EEF1A2: variants seen among roughly 807,000 people sequenced by gnomAD.
The protein encoded by EEF1A2 is elongation factor 1-alpha 2.
In EEF1A2, 5 loss-of-function variants were observed where a neutral mutation model predicts 39.3. The ratio of observed to expected loss-of-function variants is 0.13; its 90% CI spans 0.07 to 0.27. EEF1A2 has a LOEUF of 0.27. Ranked by LOEUF, EEF1A2 falls within the 10% of genes least tolerant of loss-of-function variation. The pLI is 1.00. For missense variants in EEF1A2, 218 were observed against 681.4 expected, an observed-to-expected ratio of 0.32 and a Z score of 7.57; for synonymous variants, 287 against 293.7, an observed-to-expected ratio of 0.98 and a Z score of 0.23.
chr20:63,497,624 G>A lies in EEF1A2; in HGVS notation c.140C>T (p.Ala47Val). Residue 47 changes from alanine (A) to valine (V), a missense_variant, in exon 2 of 8, where the codon GCT becomes GTT. Ala to Val is a moderately conservative substitution (Grantham distance 64). This residue lies in a region of EEF1A2 where 28 missense variants were observed against 156.2 expected (regional missense o/e 0.18). Coordinates refer to ENST00000217182, the MANE Select transcript of EEF1A2 (RefSeq NM_001958.5). The surrounding 1 kb of genome is among the most constrained non-coding windows in gnomAD (Gnocchi z 7.3). ...RTIEKFEKEA[A>V]EMGKGSFKYA... ...ACCATAGCCTGGGGAGCTCACCTCA[G>A]CCGCCTCCTTCTCGAACTTCTCAAT... 1 of 1,612,184 alleles carries A rather than the reference G, an allele frequency of 6.2e-7. No homozygotes were observed. Among genetic ancestry groups the A allele is most frequent in the Non-Finnish European group, 8.5e-7 (1 of 1,179,326 alleles).
At chr20:63,496,172 T>C in intron 2 of EEF1A2, 137 bp from the exon 3 acceptor site, 1 of 1,067,460 alleles carries the variant, frequency 9.4e-7, no homozygotes, top group South Asian at 1.6e-5. Flanking sequence ...TCCGTCGGGG[T>C]CCTGGGACGC....
At chr20:63,489,789 AAAAT>A (rs938312800) in intron 6 of EEF1A2, among the ~76,000 whole-genome samples, 2 of 151,648 alleles carry the variant, frequency 1.3e-5, no homozygotes, top group Non-Finnish European at 2.9e-5. Context: ...TCTCAAAAAA[AAAAT>A]AAATAAATCA....
intron 2 of EEF1A2, chr20:63,496,984 G>A: frequency 6.6e-6 from 1 of 152,476 alleles, no homozygotes; most frequent in African/African-American, 2.4e-5. Context: ...CCTCCCAGGA[G>A]TGGGCTTCTC....
chr20:63,492,025 A>AGATG (rs2082384901), intron 5 of EEF1A2, among the ~76,000 whole-genome samples: 1 of 70,528 alleles, frequency 1.4e-5, no homozygotes, highest in Non-Finnish European at 2.6e-5. Flanking sequence ...CGGATGGATG[A>AGATG]GATGGATGGA....
At chr20:63,491,070 C>T (rs2082376522) in intron 5 of EEF1A2, among the ~76,000 whole-genome samples, 1 of 152,182 alleles carries the variant, frequency 6.6e-6, no homozygotes, top group South Asian at 2.1e-4. Flanking sequence ...CATCCTTGCC[C>T]CCGGAGAGCA....
At chr20:63,494,204 C>G (rs562367489) in intron 4 of EEF1A2, among the ~76,000 whole-genome samples, 54 of 152,342 alleles carry the variant, frequency 3.5e-4, no homozygotes, top group African/African-American at 1.2e-3. Flanking sequence ...CTTGGAGAAC[C>G]CTGGGAACAG....
chr20:63,499,021 G>A (rs1023695221), intron 1 of EEF1A2, 37 bp downstream of exon 1: 2 of 149,922 alleles, frequency 1.3e-5, no homozygotes, highest in African/African-American at 4.9e-5. Flanking sequence ...CGGAAGACGG[G>A]GGCGGGGGCG....
Position 63,497,478 on chromosome 20 carries a change from G to C in EEF1A2, c.144+142C>G, listed in dbSNP as rs924202083. 4.5e-6 allele frequency: 6 copies of C among 1,342,324 alleles called. No individual in the cohort carries two copies. In the Admixed American group the frequency reaches 1.3e-4, roughly 28 times the overall value. 83.2% of individuals were successfully genotyped at this position (1,342,324 alleles called of 1,614,324 possible). ...CCCCACCAGACCCTCTGAGGCCTGA[G>C]TGCCCCACAGCGGGGGTCCCTCCTG... On this transcript the variant is annotated intron_variant, in intron 2 of 7. Coordinates refer to ENST00000217182, the MANE Select transcript of EEF1A2 (RefSeq NM_001958.5). This position sits in a 1 kb window ranked among gnomAD's most constrained non-coding sequence, Gnocchi z 7.3.
intron 2 of EEF1A2, 147 bp from the exon 3 acceptor site, chr20:63,496,182 C>T: frequency 1.0e-6 from 1 of 965,106 alleles, no homozygotes; most frequent in African/African-American, 1.6e-5. Context: ...TCCTGGGACG[C>T]CGGCCCCCTC....
rs534684524 is a variant in EEF1A2 at position 63,492,900 on chromosome 20, GGATA to G, written c.772+233_772+236del. Among the ~76,000 whole-genome samples the G allele has an allele frequency of 3.4e-3, 508 of 149,780 alleles. 6 individuals carry two copies. In the South Asian group the frequency reaches 0.035, roughly 10 times the overall value. On this transcript the variant is annotated intron_variant, in intron 5 of 7. Coordinates refer to ENST00000217182, the MANE Select transcript of EEF1A2 (RefSeq NM_001958.5). ...TGGATGGATCGATGGATGGATGGATGGATAGATAGATGGATGGAGAGGTGGATAG... is the reference window on the plus strand; with the variant it reads ...TGGATGGATCGATGGATGGATGGATGGATAGATGGATGGAGAGGTGGATAG...
At position 63,497,810 on chromosome 20, in the gene EEF1A2, C is replaced by T. The variant is rs747028147; in HGVS notation, c.-47G>A. The T allele has an allele frequency of 1.9e-6, 3 of 1,591,976 alleles. No homozygotes were observed. In the Admixed American group the frequency reaches 5.1e-5, roughly 27 times the overall value. On this transcript the variant is annotated 5_prime_UTR_variant, in exon 2 of 8. Transcript: ENST00000217182. This position sits in a 1 kb window ranked among gnomAD's most constrained non-coding sequence, Gnocchi z 7.3. ...TGGCGGGACCCGGGGTGCTCTGGCTCAGGGCGAGGGGGGCTGCAGTGATTC... is the reference window on the plus strand; with the variant it reads ...TGGCGGGACCCGGGGTGCTCTGGCTTAGGGCGAGGGGGGCTGCAGTGATTC...
intron 5 of EEF1A2, among the ~76,000 whole-genome samples, chr20:63,491,908 G>GGAT (rs1180580942): frequency 7.0e-6 from 1 of 142,874 alleles, no homozygotes; most frequent in Non-Finnish European, 1.5e-5. Context: ...ATGGATGGAT[G>GGAT]GATGGGGGGA....
intron 5 of EEF1A2, among the ~76,000 whole-genome samples, chr20:63,492,353 A>AACAG (rs2082388814): frequency 1.0e-5 from 1 of 98,912 alleles, no homozygotes; most frequent in African/African-American, 3.7e-5. Context: ...TGGGTGGGTC[A>AACAG]ATAGATGGAT....
At chr20:63,488,791 C>G in intron 7 of EEF1A2, 127 bp downstream of exon 7, 2 of 1,073,572 alleles carry the variant, frequency 1.9e-6, no homozygotes, top group South Asian at 3.1e-5. Context: ...CTGCCATGCT[C>G]TGGGCCAAGC....
intron 4 of EEF1A2, 71 bp from the exon 5 acceptor site, chr20:63,493,358 G>A (rs774765304): frequency 1.4e-6 from 2 of 1,444,252 alleles, no homozygotes. Flanking sequence ...CCTCCCCAGG[G>A]TGCTTCCAGG....
chr20:63,493,948 G>A (rs1750017132), intron 4 of EEF1A2, among the ~76,000 whole-genome samples: 1 of 152,354 alleles, frequency 6.6e-6, no homozygotes, highest in Middle Eastern at 3.4e-3. Flanking sequence ...CCTGGGGAGG[G>A]GAGAGTGGCG....
At chr20:63,488,554 C>G (rs2082363687) in intron 7 of EEF1A2, 129 bp from the exon 8 acceptor site, 1 of 1,257,100 alleles carries the variant, frequency 8.0e-7, no homozygotes, top group African/African-American at 1.6e-5. Flanking sequence ...CAGAGCGCGC[C>G]CCTGTGAAGA....
Position 63,498,595 on chromosome 20 carries a change from C to T in EEF1A2, c.-72+463G>A, listed in dbSNP as rs1286264332. 1 of 152,206 alleles carries T rather than the reference C, an allele frequency of 6.6e-6. No individual in the cohort carries two copies. Among genetic ancestry groups the T allele is most frequent in the Non-Finnish European group, 1.5e-5 (1 of 68,088 alleles). 9.4% of individuals were successfully genotyped at this position (152,206 alleles called of 1,614,324 possible). A position where few individuals can be genotyped will look rare whatever the true frequency, so the allele number is the denominator to read the frequency against. On this transcript the variant is annotated intron_variant, in intron 1 of 7. Coordinates refer to ENST00000217182, the MANE Select transcript of EEF1A2 (RefSeq NM_001958.5). This position sits in a 1 kb window ranked among gnomAD's most constrained non-coding sequence, Gnocchi z 4.1. ...CCCCCCCTCCCTGTGACTCAGGACC[C>T]TGGGTCACAGCCCTGTCCCATCACA...
At chr20:63,493,075 C>T (rs923734285) in intron 5 of EEF1A2, 62 bp downstream of exon 5, 1 of 1,513,100 alleles carries the variant, frequency 6.6e-7, no homozygotes, top group South Asian at 1.3e-5. Flanking sequence ...CTTGTAGGGG[C>T]CCCTGGTCTA....
Sources: gnomAD v4.1 joint callset for allele counts (sites outside exome capture counted in the v4.1 genomes callset) on GRCh38, gnomAD v4.1.1 for gene constraint, gnomAD v4.1.1 regional missense constraint, Gnocchi (gnomAD v3.1) non-coding constraint, MANE v1.5 for transcripts, NCBI Gene and HGNC (gene_info 2026-07-23, HGNC 2026-07-21) for gene names.